GRM7: variants seen among roughly 807,000 people sequenced by gnomAD.
The protein encoded by GRM7 is metabotropic glutamate receptor 7.
In GRM7, 35 loss-of-function variants were observed where a neutral mutation model predicts 84.5. The observed-to-expected ratio is 0.41, with a 90% CI of 0.32 to 0.55. The LOEUF is 0.55. Among genes scored for constraint, GRM7 ranks in the 20% least tolerant of loss-of-function variants. GRM7 has a pLI of 0.19. For synonymous variants in GRM7, 487 were observed against 455.1 expected, an observed-to-expected ratio of 1.07 and a Z score of -0.89; for missense variants, 1,003 against 1,194.6, an observed-to-expected ratio of 0.84 and a Z score of 2.36.
At chr3:7,331,828 A>T (rs1265303990) in intron 4 of GRM7, among the ~76,000 whole-genome samples, 2 of 152,164 alleles carry the variant, frequency 1.3e-5, no homozygotes, top group African/African-American at 4.8e-5. Context: ...ATTATTAAAG[A>T]ATTAGAGAAG....
chr3:7,110,756 G>A (rs1267269168), intron 1 of GRM7, among the ~76,000 whole-genome samples: 2 of 152,022 alleles, frequency 1.3e-5, no homozygotes, highest in African/African-American at 4.8e-5. Context: ...ATAAAGCATA[G>A]AGAAATATTT....
At chr3:7,103,816 T>TTCTCTCTCTC (rs796785372) in intron 1 of GRM7, among the ~76,000 whole-genome samples, 5 of 89,112 alleles carry the variant, frequency 5.6e-5, no homozygotes, top group African/African-American at 1.9e-4. Flanking sequence ...CTTTCTTTCT[T>TTCTCTCTCTC]TCTCTCTCTC....
Position 6,861,364 on chromosome 3 carries a change from C to T in GRM7, c.-25C>T. 1 of 1,488,878 alleles carries T rather than the reference C, an allele frequency of 6.7e-7. No individual in the cohort carries two copies. 92.2% of individuals were successfully genotyped at this position (1,488,878 alleles called of 1,614,324 possible). On this transcript the variant is annotated 5_prime_UTR_variant, in exon 1 of 10. Coordinates refer to ENST00000357716, the MANE Select transcript of GRM7 (RefSeq NM_000844.4). The surrounding 1 kb of genome is among the most constrained non-coding windows in gnomAD (Gnocchi z 6.4). ...ACCACCGTTCCCTCCAGCGCCGCCG[C>T]CGCCACCGCAGCAGCCGGAGCAGCA...
intron 8 of GRM7, among the ~76,000 whole-genome samples, chr3:7,619,159 A>G (rs954706347): frequency 6.6e-6 from 1 of 152,112 alleles, no homozygotes; most frequent in Non-Finnish European, 1.5e-5. Flanking sequence ...GTGTCACGAA[A>G]TGCTGTAGTC....
chr3:7,429,695 A>G (rs1374911740), intron 5 of GRM7, among the ~76,000 whole-genome samples: 1 of 152,162 alleles, frequency 6.6e-6, no homozygotes, highest in Non-Finnish European at 1.5e-5. Flanking sequence ...TCACTTGGCT[A>G]GCATCTGGCA....
intron 8 of GRM7, among the ~76,000 whole-genome samples, chr3:7,667,928 T>C (rs956602018): frequency 6.6e-6 from 1 of 152,154 alleles, no homozygotes; most frequent in Non-Finnish European, 1.5e-5. Context: ...CATTTCATTT[T>C]TCTATTGTGA....
At chr3:6,911,943 C>A (rs1174180131) in intron 1 of GRM7, among the ~76,000 whole-genome samples, 1 of 152,074 alleles carries the variant, frequency 6.6e-6, no homozygotes, top group African/African-American at 2.4e-5. Context: ...AGTCCATCGA[C>A]TGTAAGAAAA....
chr3:7,444,777 T>C (rs1024783362), intron 5 of GRM7, among the ~76,000 whole-genome samples: 2 of 152,150 alleles, frequency 1.3e-5, no homozygotes, highest in African/African-American at 4.8e-5. Context: ...GAAAATGGAA[T>C]TGCAGAAGAA....
chr3:7,547,305 C>T (rs953350780), intron 7 of GRM7, among the ~76,000 whole-genome samples: 3 of 145,850 alleles, frequency 2.1e-5, no homozygotes, highest in African/African-American at 7.5e-5. Context: ...CCCCCGGGTT[C>T]ACGCCATTCT....
intron 8 of GRM7, among the ~76,000 whole-genome samples, chr3:7,598,073 C>G (rs1189947771): frequency 6.6e-6 from 1 of 152,072 alleles, no homozygotes; most frequent in East Asian, 1.9e-4. Context: ...TCCTGGCAAA[C>G]AGTGAAATTT....
chr3:7,158,009 A>T (rs1364606965), intron 2 of GRM7, among the ~76,000 whole-genome samples: 1 of 152,138 alleles, frequency 6.6e-6, no homozygotes, highest in South Asian at 2.1e-4. Flanking sequence ...CTTTTCAAAA[A>T]CTGTGTGGGA....
intron 2 of GRM7, among the ~76,000 whole-genome samples, chr3:7,273,697 T>C (rs1014949139): frequency 6.6e-6 from 1 of 152,082 alleles, no homozygotes; most frequent in African/African-American, 2.4e-5. Context: ...AGTGTTAGTA[T>C]GGTATATCTT....
chr3:6,925,726 A>G (rs1396898282), intron 1 of GRM7, among the ~76,000 whole-genome samples: 1 of 152,178 alleles, frequency 6.6e-6, no homozygotes, highest in Non-Finnish European at 1.5e-5. Flanking sequence ...TATAGCTGCT[A>G]TGAAGTCCTT....
intron 8 of GRM7, among the ~76,000 whole-genome samples, chr3:7,602,811 C>A (rs185461821): frequency 1.3e-5 from 2 of 152,078 alleles, no homozygotes; most frequent in South Asian, 2.1e-4. Flanking sequence ...TGCTTTGATG[C>A]GTCTTGTATA....
chr3:7,141,534 C>T (rs1693944253), intron 1 of GRM7, among the ~76,000 whole-genome samples: 1 of 151,900 alleles, frequency 6.6e-6, no homozygotes, highest in African/African-American at 2.4e-5. Flanking sequence ...TACTATGATT[C>T]TCATTAAAAT....
rs1263689906 is a variant in GRM7, at chr3:7,365,650, T to C, written c.1034-49373T>C. On this transcript the variant is annotated intron_variant, in intron 4 of 9. Transcript: ENST00000357716. ...ATGCATGTGTGTGTGCGTGTGTGTA[T>C]ATATATATATATATACACACACGCA... Among the ~76,000 whole-genome samples, 2 of 119,728 alleles carry C rather than the reference T, an allele frequency of 1.7e-5. 1 individual carries two copies. The highest frequency in any genetic ancestry group is 6.3e-5 in the African/African-American group (2 of 31,814). The allele number at this position is 119,728 out of a possible 152,430, so 78.5% of individuals were successfully genotyped here.
chr3:7,289,767 C>G (rs752050383), intron 2 of GRM7, among the ~76,000 whole-genome samples: 2 of 149,602 alleles, frequency 1.3e-5, no homozygotes, highest in Non-Finnish European at 3.0e-5. Context: ...GACAAAAAAA[C>G]AAACACCACA....
intron 4 of GRM7, among the ~76,000 whole-genome samples, chr3:7,341,365 C>A (rs1692617202): frequency 7.3e-6 from 1 of 136,944 alleles, no homozygotes. Flanking sequence ...CGGTAAAATT[C>A]AACTCATGTT....
At chr3:7,102,267 T>A (rs1699137245) in intron 1 of GRM7, among the ~76,000 whole-genome samples, 1 of 150,312 alleles carries the variant, frequency 6.7e-6, no homozygotes, top group South Asian at 2.1e-4. Flanking sequence ...GTTGTTGTTG[T>A]TTGTGTGTTT....
Sources: gnomAD v4.1 joint callset for allele counts (sites outside exome capture counted in the v4.1 genomes callset) on GRCh38, gnomAD v4.1.1 for gene constraint, Gnocchi (gnomAD v3.1) non-coding constraint, MANE v1.5 for transcripts, NCBI Gene and HGNC (gene_info 2026-07-23, HGNC 2026-07-21) for gene names.